The following GPC5 variants were observed in gnomAD, a reference collection of about 807,000 sequenced individuals.
GPC5 encodes glypican-5.
A neutral mutation model predicts 53.9 loss-of-function variants in GPC5; 47 were observed. The observed-to-expected ratio is 0.87, with a 90% CI of 0.69 to 1.11. The LOEUF is 1.11. GPC5 is among the 50% of genes most tolerant of loss of function. GPC5 has a pLI of 0.00. For missense variants in GPC5, 748 were observed against 713.1 expected (o/e 1.05, Z -0.56); for synonymous variants, 286 against 263.3 (o/e 1.09, Z -0.84).
chr13:92,046,171 A>G (rs558717465), intron 6 of GPC5, among the ~76,000 whole-genome samples: 1 of 152,262 alleles, frequency 6.6e-6, no homozygotes, highest in East Asian at 1.9e-4. Context: ...ATCTTTTATG[A>G]AAGAAAAATC....
chr13:92,374,209 G>A (rs9589524), intron 7 of GPC5, among the ~76,000 whole-genome samples: 4 of 151,854 alleles, frequency 2.6e-5, no homozygotes, highest in African/African-American at 9.7e-5. Flanking sequence ...CAGAAATAGG[G>A]TAACATTTTC....
At chr13:92,582,874 C>T (rs1346013252) in intron 7 of GPC5, among the ~76,000 whole-genome samples, 3 of 151,702 alleles carry the variant, frequency 2.0e-5, no homozygotes, top group African/African-American at 7.3e-5. Flanking sequence ...TTTATTATTT[C>T]TAATAGTTTC....
intron 6 of GPC5, among the ~76,000 whole-genome samples, chr13:92,128,618 G>C (rs1466082134): frequency 6.6e-6 from 1 of 152,164 alleles, no homozygotes; most frequent in Non-Finnish European, 1.5e-5. Flanking sequence ...AACCTGTTTA[G>C]AACAGCCATC....
intron 7 of GPC5, among the ~76,000 whole-genome samples, chr13:92,378,184 G>A (rs2043710206): frequency 6.6e-6 from 1 of 152,132 alleles, no homozygotes; most frequent in Non-Finnish European, 1.5e-5. Context: ...AGTCCTGCTA[G>A]TCCTGTCAGT....
At chr13:91,679,409 A>G (rs1181934649) in intron 2 of GPC5, among the ~76,000 whole-genome samples, 2 of 152,142 alleles carry the variant, frequency 1.3e-5, no homozygotes, top group African/African-American at 4.8e-5. Context: ...GCAAATACAG[A>G]TCTAGGTTGA....
chr13:92,356,121 A>C (rs572203702), intron 7 of GPC5, among the ~76,000 whole-genome samples: 1 of 152,272 alleles, frequency 6.6e-6, no homozygotes, highest in African/African-American at 2.4e-5. Flanking sequence ...CCTGGCCAGA[A>C]CTATCCAGTG....
At chr13:92,486,653 C>T (rs1262140870) in intron 7 of GPC5, among the ~76,000 whole-genome samples, 1 of 152,148 alleles carries the variant, frequency 6.6e-6, no homozygotes, top group African/African-American at 2.4e-5. Flanking sequence ...GAAAGGAAAT[C>T]ATAAGAATGA....
At chr13:91,595,941 T>C (rs953235756) in intron 2 of GPC5, among the ~76,000 whole-genome samples, 11 of 152,334 alleles carry the variant, frequency 7.2e-5, no homozygotes, top group African/African-American at 2.6e-4. Flanking sequence ...ATGAGTGAAA[T>C]CAGGATATTG....
intron 7 of GPC5, among the ~76,000 whole-genome samples, chr13:92,728,872 T>C (rs1473873986): frequency 6.6e-6 from 1 of 151,424 alleles, no homozygotes; most frequent in Non-Finnish European, 1.5e-5. Flanking sequence ...AACTAGGAAC[T>C]GGAAATAGTA....
intron 2 of GPC5, among the ~76,000 whole-genome samples, chr13:91,455,038 C>T (rs1037582377): frequency 6.6e-6 from 1 of 152,088 alleles, no homozygotes. Context: ...GTGTGTCTAT[C>T]TATCCATCCC....
chr13:92,001,518 C>T lies in GPC5; in HGVS notation c.1401+93461C>T, dbSNP rs942123736. Among the ~76,000 whole-genome samples the T allele has an allele frequency of 2.0e-5, 3 of 151,910 alleles. No homozygotes were observed. The South Asian group carries it at 6.2e-4, about 32-fold the overall frequency. On this transcript the variant is annotated intron_variant, in intron 6 of 7. Transcript: ENST00000377067. ...ACTTTTGGACAGAGATACCACAATC[C>T]ACTAGATAATATAAGTAGAGCAGGT... is the stretch of plus-strand genomic sequence containing the variant.
intron 7 of GPC5, among the ~76,000 whole-genome samples, chr13:92,591,197 C>A (rs1343053648): frequency 6.6e-6 from 1 of 152,132 alleles, no homozygotes; most frequent in Non-Finnish European, 1.5e-5. Context: ...TAGGAAGCTT[C>A]AGTCTCTGAT....
At chr13:92,131,441 G>A (rs979230917) in intron 6 of GPC5, among the ~76,000 whole-genome samples, 1 of 151,822 alleles carries the variant, frequency 6.6e-6, no homozygotes, top group African/African-American at 2.4e-5. Flanking sequence ...AGAAACAGGT[G>A]AATCATCTAA....
At chr13:91,774,337 A>G (rs2037674327) in intron 5 of GPC5, among the ~76,000 whole-genome samples, 1 of 152,150 alleles carries the variant, frequency 6.6e-6, no homozygotes, top group Non-Finnish European at 1.5e-5. Flanking sequence ...CTACTGAAGA[A>G]TTTCTATGTG....
intron 2 of GPC5, among the ~76,000 whole-genome samples, chr13:91,531,193 G>A (rs1369728575): frequency 3.3e-5 from 5 of 152,184 alleles, no homozygotes; most frequent in Non-Finnish European, 5.9e-5. Flanking sequence ...TGGAATTGTA[G>A]CACATTGTAT....
intron 1 of GPC5, among the ~76,000 whole-genome samples, chr13:91,448,075 A>G (rs1043769115): frequency 1.3e-5 from 2 of 152,232 alleles, no homozygotes; most frequent in Non-Finnish European, 2.9e-5. Flanking sequence ...CTTACATTTC[A>G]TATATTAATA....
chr13:91,660,104 G>C (rs1354636454), intron 2 of GPC5, among the ~76,000 whole-genome samples: 1 of 152,174 alleles, frequency 6.6e-6, no homozygotes, highest in Non-Finnish European at 1.5e-5. Flanking sequence ...GGTTGGTTAG[G>C]GGAAACATGT....
intron 6 of GPC5, among the ~76,000 whole-genome samples, chr13:92,091,966 A>G (rs2041384789): frequency 1.3e-5 from 2 of 152,196 alleles, no homozygotes; most frequent in African/African-American, 4.8e-5. Flanking sequence ...AGTACTCACA[A>G]TTAAGTGGAT....
At chr13:91,631,369 C>T (rs1594356367) in intron 2 of GPC5, among the ~76,000 whole-genome samples, 1 of 152,014 alleles carries the variant, frequency 6.6e-6, no homozygotes, top group Admixed American at 6.6e-5. Flanking sequence ...GGCAGGTATA[C>T]AGAATATGTC....
Sources: gnomAD v4.1 joint callset for allele counts (sites outside exome capture counted in the v4.1 genomes callset) on GRCh38, gnomAD v4.1.1 for gene constraint, MANE v1.5 for transcripts, NCBI Gene and HGNC (gene_info 2026-07-23, HGNC 2026-07-21) for gene names.